The following ANKRD34C variants were observed in gnomAD, a reference collection of about 807,000 sequenced individuals.
The protein encoded by ANKRD34C is ankyrin repeat domain 34C.
For synonymous variants in ANKRD34C, 260 were observed against 253.6 expected, an observed-to-expected ratio of 1.03 and a Z score of -0.24; for missense variants, 563 against 653.0, an observed-to-expected ratio of 0.86 and a Z score of 1.50.
rs1281032335 is a variant in ANKRD34C, at chr15:79,294,219, C to T, written c.935C>T (p.Thr312Ile). Reference protein sequence around the residue: ...IDSKDPTLFHTVTEQVLKIPV... With the variant: ...IDSKDPTLFHIVTEQVLKIPV... ...AGCAAAGACCCCACCCTCTTTCACA[C>T]AGTCACAGAGCAGGTTCTGAAGATT... is the stretch of plus-strand genomic sequence containing the variant. Residue 312 changes from threonine to isoleucine, a missense_variant, in exon 2 of 2, where the codon ACA becomes ATA. Physicochemically the swap from Thr to Ile is moderately conservative, Grantham distance 89. Transcript: ENST00000421388. 1.9e-6 allele frequency: 3 copies of T among 1,551,424 alleles called. No homozygotes were observed. Among genetic ancestry groups the T allele is most frequent in the African/African-American group, 2.7e-5 (2 of 73,048 alleles).
At position 79,294,788 on chromosome 15, in the gene ANKRD34C, C is replaced by A. The variant is rs577413407; in HGVS notation, c.1504C>A (p.Pro502Thr). The A allele has an allele frequency of 6.4e-7, 1 of 1,551,700 alleles. No individual in the cohort carries two copies. The highest frequency in any genetic ancestry group is 1.4e-5 in the African/African-American group (1 of 73,164). Residue 502 changes from proline to threonine, a missense_variant, in exon 2 of 2, where the codon CCA becomes ACA. Coordinates refer to ENST00000421388, the MANE Select transcript of ANKRD34C (RefSeq NM_001146341.2). ...KSMVPVAPSS[P>T]KRVDLRSKKK... is the part of the protein sequence containing the mutation. ...TATGGTTCCTGTTGCTCCAAGTTCA[C>A]CAAAGAGAGTTGACTTAAGAAGTAA...
chr15:79,292,107 G>A (rs998972621), intron 1 of ANKRD34C, among the ~76,000 whole-genome samples: 13 of 152,216 alleles, frequency 8.5e-5, no homozygotes, highest in Non-Finnish European at 1.3e-4. Context: ...AGAATGATGT[G>A]AATCAGATGA....
chr15:79,288,517 G>A (rs2058651464), intron 1 of ANKRD34C, among the ~76,000 whole-genome samples: 1 of 152,178 alleles, frequency 6.6e-6, no homozygotes, highest in Non-Finnish European at 1.5e-5. Context: ...TGAGTAACCT[G>A]GAGAAAGTCA....
At chr15:79,290,047 C>T (rs12908530) in intron 1 of ANKRD34C, among the ~76,000 whole-genome samples, 13,579 of 152,066 alleles carry the variant, frequency 0.089, 673 homozygotes, top group Middle Eastern at 0.14. Flanking sequence ...TTTTAAGAGA[C>T]GGAGTCTCAC....
Position 79,295,216 on chromosome 15 carries a change from CAG to C in ANKRD34C, c.*325_*326del, listed in dbSNP as rs1232605275. The C allele has an allele frequency of 7.8e-6, 2 of 258,006 alleles. No individual in the cohort carries two copies. The highest frequency in any genetic ancestry group is 4.5e-5 in the African/African-American group (2 of 44,236). 16.0% of individuals were successfully genotyped at this position (258,006 alleles called of 1,614,324 possible). ...CAGACAAACAGAAAAGAATTTAAATCAGGAGGTAGTATTTGGAGTATGTCATT... is the reference window on the plus strand; with the variant it reads ...CAGACAAACAGAAAAGAATTTAAATCGAGGTAGTATTTGGAGTATGTCATT... On this transcript the variant is annotated 3_prime_UTR_variant, in exon 2 of 2. Coordinates refer to ENST00000421388, the MANE Select transcript of ANKRD34C (RefSeq NM_001146341.2).
chr15:79,293,457 A>G lies in ANKRD34C; in HGVS notation c.173A>G (p.Asp58Gly). ...GTGGCGTGCATCACCAAACATGTGG[A>G]CCAGCAAAGCATCAGCAAGTCCAAG... ...LMVACITKHVDQQSISKSKMV... is the reference protein window; with the variant it reads ...LMVACITKHVGQQSISKSKMV... The change falls in exon 2 of 2, where the codon GAC (aspartate) becomes GGC (glycine). Residue 58 changes from aspartate to glycine, a missense_variant. By Grantham distance (94) the Asp-to-Gly change is moderately conservative. Transcript: ENST00000421388. 1 of 1,551,654 alleles carries G rather than the reference A, an allele frequency of 6.4e-7. No individual in the cohort carries two copies. The highest frequency in any genetic ancestry group is 8.7e-7 in the Non-Finnish European group (1 of 1,146,960).
chr15:79,295,186 T>G lies in ANKRD34C; in HGVS notation c.*294T>G, dbSNP rs559387171. 49 of 317,714 alleles carry G rather than the reference T, an allele frequency of 1.5e-4. 1 individual carries two copies. In the South Asian group the frequency reaches 4.0e-3, roughly 26 times the overall value. The allele number at this position is 317,714 out of a possible 1,614,324, so 19.7% of individuals were successfully genotyped here. A position where few individuals can be genotyped will look rare whatever the true frequency, so the allele number is the denominator to read the frequency against. On this transcript the variant is annotated 3_prime_UTR_variant, in exon 2 of 2. Coordinates refer to ENST00000421388, the MANE Select transcript of ANKRD34C (RefSeq NM_001146341.2). ...TGTAAGCTGGGGACATCAGTAGTTTTCTATCAGACAAACAGAAAAGAATTT... is the reference window on the plus strand; with the variant it reads ...TGTAAGCTGGGGACATCAGTAGTTTGCTATCAGACAAACAGAAAAGAATTT...
chr15:79,290,601 A>C (rs7168853), intron 1 of ANKRD34C, among the ~76,000 whole-genome samples: 1 of 151,938 alleles, frequency 6.6e-6, no homozygotes, highest in African/African-American at 2.4e-5. Context: ...CCTTCCTGGT[A>C]GGTATTCCAG....
chr15:79,284,567 G>T (rs2058638200), intron 1 of ANKRD34C, among the ~76,000 whole-genome samples: 1 of 152,150 alleles, frequency 6.6e-6, no homozygotes, highest in Non-Finnish European at 1.5e-5. Context: ...AAGGAGAATT[G>T]GTGGTGAACA....
rs1008903081 is a variant in ANKRD34C, at chr15:79,282,876, A to C, written c.-397A>C. 1.3e-5 allele frequency among the ~76,000 whole-genome samples: 2 copies of C among 152,224 alleles called. No individual in the cohort carries two copies. The highest frequency in any genetic ancestry group is 2.9e-5 in the Non-Finnish European group (2 of 68,040). On this transcript the variant is annotated 5_prime_UTR_variant, in exon 1 of 2. Transcript: ENST00000421388. Reference sequence around the variant, plus strand: ...CAGCGCGGAACCGGGGGCGATTCCTATCTTTCTTTCATGCTTCTTTCTTTT... The same window carrying C: ...CAGCGCGGAACCGGGGGCGATTCCTCTCTTTCTTTCATGCTTCTTTCTTTT...
chr15:79,285,829 G>A (rs974401708), intron 1 of ANKRD34C, among the ~76,000 whole-genome samples: 1 of 152,098 alleles, frequency 6.6e-6, no homozygotes, highest in African/African-American at 2.4e-5. Flanking sequence ...TGTAATCTTG[G>A]TCTAAACTAC....
At position 79,292,926 on chromosome 15, in the gene ANKRD34C, A is replaced by G. The variant is rs113765004; in HGVS notation, c.-44-315A>G. On this transcript the variant is annotated intron_variant, in intron 1 of 1. Transcript: ENST00000421388. ...TAAGTGCTGCGCAGTCAACACAATAACATCTTGCATTTAAACAAATATTTA... is the reference window on the plus strand; with the variant it reads ...TAAGTGCTGCGCAGTCAACACAATAGCATCTTGCATTTAAACAAATATTTA... Among the ~76,000 whole-genome samples, 872 of 152,304 alleles carry G rather than the reference A, an allele frequency of 5.7e-3. 4 individuals are homozygous for G. The highest frequency in any genetic ancestry group is 0.02 in the African/African-American group (839 of 41,556).
rs980238920 is a variant in ANKRD34C at position 79,284,823 on chromosome 15, C to T, written c.-45+1595C>T. ...ATTACTCAGGTACTTAGTAGCAGAG[C>T]TGGGATTAGAATCCAGATCTCCCGC... On this transcript the variant is annotated intron_variant, in intron 1 of 1. Transcript: ENST00000421388. Among the ~76,000 whole-genome samples, 9 of 152,140 alleles carry T rather than the reference C, an allele frequency of 5.9e-5. No homozygotes were observed. The East Asian group carries it at 1.3e-3, about 23-fold the overall frequency.
chr15:79,291,771 A>C (rs1204244182), intron 1 of ANKRD34C, among the ~76,000 whole-genome samples: 17 of 152,166 alleles, frequency 1.1e-4, no homozygotes, highest in African/African-American at 4.1e-4. Context: ...ACATAAACAC[A>C]ACAACATCAG....
Position 79,282,847 on chromosome 15 carries a change from C to A in ANKRD34C, c.-426C>A, listed in dbSNP as rs2058631899. ...CTGGGGCTGCGCAGAGACCTGCACA[C>A]CCGCAGCGCGGAACCGGGGGCGATT... On this transcript the variant is annotated 5_prime_UTR_variant, in exon 1 of 2. Coordinates refer to ENST00000421388, the MANE Select transcript of ANKRD34C (RefSeq NM_001146341.2). Among the ~76,000 whole-genome samples the A allele has an allele frequency of 6.6e-6, 1 of 152,258 alleles. No individual in the cohort carries two copies. Among genetic ancestry groups the A allele is most frequent in the African/African-American group, 2.4e-5 (1 of 41,478 alleles).
intron 1 of ANKRD34C, among the ~76,000 whole-genome samples, chr15:79,285,799 C>T (rs750502545): frequency 6.6e-5 from 10 of 152,118 alleles, no homozygotes; most frequent in East Asian, 1.9e-4. Flanking sequence ...TGGGCTACAT[C>T]GGCTGTCAGA....
Position 79,294,694 on chromosome 15 carries a change from G to T in ANKRD34C, c.1410G>T (p.Leu470=), listed in dbSNP as rs1242402998. Residue 470 remains leucine (L), a synonymous_variant, in exon 2 of 2, where the codon CTG becomes CTT. Transcript: ENST00000421388. ...TCCTGCCGCCTTTAAATGTGAATCT[G>T]AACCCGCCTATTCCAGATATTAGAT... ...PGFLPPLNVN[L]NPPIPDIRSS... is the part of the protein sequence containing the mutation. 2 of 1,551,682 alleles carry T rather than the reference G, an allele frequency of 1.3e-6. No individual in the cohort carries two copies. Among genetic ancestry groups the T allele is most frequent in the Non-Finnish European group, 1.7e-6 (2 of 1,147,000 alleles).
At position 79,292,045 on chromosome 15, in the gene ANKRD34C, A is replaced by G. The variant is rs548204041; in HGVS notation, c.-44-1196A>G. Reference sequence around the variant, plus strand: ...AGAAAAGCTTTTGCCTTCCAACTAAATAGAGTAATATAAATAAATAAATAA... The same window carrying G: ...AGAAAAGCTTTTGCCTTCCAACTAAGTAGAGTAATATAAATAAATAAATAA... On this transcript the variant is annotated intron_variant, in intron 1 of 1. Coordinates refer to ENST00000421388, the MANE Select transcript of ANKRD34C (RefSeq NM_001146341.2). Among the ~76,000 whole-genome samples the G allele has an allele frequency of 9.2e-5, 14 of 152,364 alleles. No homozygotes were observed. The South Asian group carries it at 2.9e-3, about 32-fold the overall frequency.
intron 1 of ANKRD34C, among the ~76,000 whole-genome samples, chr15:79,286,849 C>A: frequency 6.6e-6 from 1 of 152,184 alleles, no homozygotes; most frequent in East Asian, 1.9e-4. Flanking sequence ...TGAATCTGAT[C>A]TCTGTAGACC....
Sources: allele counts gnomAD v4.1 joint callset (sites outside exome capture counted in the v4.1 genomes callset), GRCh38; gene constraint gnomAD v4.1.1; transcripts MANE v1.5; gene names NCBI Gene and HGNC (gene_info 2026-07-23, HGNC 2026-07-21).